The following EDIL3 variants were observed in gnomAD, a reference collection of about 807,000 sequenced individuals.
EDIL3 encodes the protein EGF-like repeat and discoidin I-like domain-containing protein 3.
A neutral mutation model predicts 67.4 loss-of-function variants in EDIL3; 37 were observed. The observed-to-expected ratio is 0.55, with a 90% CI of 0.42 to 0.72. EDIL3 has a LOEUF of 0.72. EDIL3 is among the 30% of genes least tolerant of loss of function. The pLI, the probability that EDIL3 is intolerant of heterozygous loss-of-function variation, is 0.00. For synonymous variants in EDIL3, 195 were observed against 196.3 expected, an observed-to-expected ratio of 0.99 and a Z score of 0.05; for missense variants, 527 against 586.3, an observed-to-expected ratio of 0.90 and a Z score of 1.04.
At chr5:84,371,446 T>TAGAGAG (rs1332566516) in intron 1 of EDIL3, among the ~76,000 whole-genome samples, 1 of 87,084 alleles carries the variant, frequency 1.1e-5, no homozygotes, top group African/African-American at 4.2e-5. Flanking sequence ...TATATATATA[T>TAGAGAG]ATATAGAGAG....
At chr5:84,110,445 A>G (rs1385932673) in intron 5 of EDIL3, among the ~76,000 whole-genome samples, 1 of 152,212 alleles carries the variant, frequency 6.6e-6, no homozygotes, top group East Asian at 1.9e-4. Flanking sequence ...AGCAATTAAT[A>G]ACAGGATGCT....
At position 84,137,198 on chromosome 5, in the gene EDIL3, C is replaced by T. The variant is rs956411575; in HGVS notation, c.469+43G>A. ...GTGTGTATACATACACACACACACA[C>T]ACACACACACACACACACACATACA... On this transcript the variant is annotated intron_variant, in intron 5 of 10. Coordinates refer to ENST00000296591, the MANE Select transcript of EDIL3 (RefSeq NM_005711.5). 46 of 1,378,242 alleles carry T rather than the reference C, an allele frequency of 3.3e-5. No individual in the cohort carries two copies. The highest frequency in any genetic ancestry group is 1.2e-4 in the African/African-American group (8 of 68,744). The allele number at this position is 1,378,242 out of a possible 1,614,324, so 85.4% of individuals were successfully genotyped here. A position where few individuals can be genotyped will look rare whatever the true frequency, so the allele number is the denominator to read the frequency against.
intron 1 of EDIL3, among the ~76,000 whole-genome samples, chr5:84,349,920 T>G (rs2112187586): frequency 6.6e-6 from 1 of 152,284 alleles, no homozygotes; most frequent in South Asian, 2.1e-4. Context: ...TTCCAAAAAC[T>G]TTATCAATAT....
At chr5:84,120,298 A>G (rs1224216726) in intron 5 of EDIL3, among the ~76,000 whole-genome samples, 1 of 152,022 alleles carries the variant, frequency 6.6e-6, no homozygotes, top group Non-Finnish European at 1.5e-5. Context: ...ATATCCACTT[A>G]AAATCTCTAA....
chr5:83,982,468 T>A (rs1744986753), intron 9 of EDIL3, among the ~76,000 whole-genome samples: 1 of 152,126 alleles, frequency 6.6e-6, no homozygotes, highest in Admixed American at 6.6e-5. Flanking sequence ...CTTTCCTGAA[T>A]ACTCCTGTCT....
At chr5:84,131,203 A>G (rs1747960688) in intron 5 of EDIL3, among the ~76,000 whole-genome samples, 1 of 152,118 alleles carries the variant, frequency 6.6e-6, no homozygotes, top group South Asian at 2.1e-4. Context: ...TATTTTAGGT[A>G]TTTTACATAT....
chr5:84,316,732 C>A (rs1045093033), intron 1 of EDIL3, among the ~76,000 whole-genome samples: 2 of 152,016 alleles, frequency 1.3e-5, no homozygotes, highest in Non-Finnish European at 2.9e-5. Flanking sequence ...ATATCCAGGG[C>A]TTGAACTCAG....
At position 84,212,764 on chromosome 5, in the gene EDIL3, C is replaced by T. The variant is rs188786219; in HGVS notation, c.226+17091G>A. On this transcript the variant is annotated intron_variant, in intron 3 of 10. Coordinates refer to ENST00000296591, the MANE Select transcript of EDIL3 (RefSeq NM_005711.5). ...ATGTGTGACCTGGAATAGAGAAGAC[C>T]GCCCTGCCTCCTAGAGAGAAGAAGC... Among the ~76,000 whole-genome samples, 96 of 152,142 alleles carry T rather than the reference C, an allele frequency of 6.3e-4. No homozygotes were observed. The East Asian group carries it at 0.017, about 28-fold the overall frequency.
At chr5:83,943,631 G>T in intron 10 of EDIL3, 63 bp from the exon 11 acceptor site, 1 of 1,569,310 alleles carries the variant, frequency 6.4e-7, no homozygotes, top group Non-Finnish European at 8.7e-7. Context: ...TTATTTTTAT[G>T]TTCCTGTTTG....
intron 1 of EDIL3, among the ~76,000 whole-genome samples, chr5:84,373,170 A>T (rs2112214968): frequency 6.6e-6 from 1 of 152,090 alleles, no homozygotes; most frequent in Non-Finnish European, 1.5e-5. Context: ...TGATCTCTGA[A>T]CTACACCCCG....
intron 1 of EDIL3, among the ~76,000 whole-genome samples, chr5:84,375,595 T>C (rs1377010565): frequency 1.3e-5 from 2 of 152,184 alleles, no homozygotes; most frequent in South Asian, 2.1e-4. Context: ...CACTTTGTAC[T>C]ACCTGATGTA....
chr5:84,132,096 G>C (rs1018267382), intron 5 of EDIL3, among the ~76,000 whole-genome samples: 1 of 150,146 alleles, frequency 6.7e-6, no homozygotes, highest in Non-Finnish European at 1.5e-5. Context: ...ATAGCCTGGC[G>C]TGGTGGCAGG....
At chr5:84,151,480 A>G (rs1748390675) in intron 4 of EDIL3, among the ~76,000 whole-genome samples, 1 of 152,186 alleles carries the variant, frequency 6.6e-6, no homozygotes, top group Non-Finnish European at 1.5e-5. Context: ...TAGTAATAGG[A>G]GGAGCTGTAT....
chr5:84,128,753 C>G (rs1207985312), intron 5 of EDIL3, among the ~76,000 whole-genome samples: 2 of 152,074 alleles, frequency 1.3e-5, no homozygotes, highest in Non-Finnish European at 2.9e-5. Flanking sequence ...CTCAAACTCT[C>G]TTGATGTCTG....
intron 6 of EDIL3, among the ~76,000 whole-genome samples, chr5:84,072,906 C>T (rs1746766643): frequency 6.6e-6 from 1 of 151,972 alleles, no homozygotes; most frequent in Admixed American, 6.6e-5. Context: ...AGTAGTAAGA[C>T]TTCAGCAACA....
chr5:84,039,492 T>C (rs1746082118), intron 9 of EDIL3, among the ~76,000 whole-genome samples: 1 of 152,162 alleles, frequency 6.6e-6, no homozygotes, highest in Non-Finnish European at 1.5e-5. Flanking sequence ...ACTATTAGAC[T>C]TTTCAGTATC....
At chr5:83,974,301 C>T (rs987628278) in intron 9 of EDIL3, among the ~76,000 whole-genome samples, 1 of 151,592 alleles carries the variant, frequency 6.6e-6, no homozygotes, top group Non-Finnish European at 1.5e-5. Context: ...CTTCAAATCG[C>T]TTTGGGAAAA....
chr5:84,360,305 T>C (rs972944407), intron 1 of EDIL3, among the ~76,000 whole-genome samples: 6 of 152,210 alleles, frequency 3.9e-5, no homozygotes, highest in African/African-American at 1.4e-4. Context: ...CAGAATCTAA[T>C]TGCTTTTCAA....
chr5:84,157,808 G>A (rs1230796510), intron 4 of EDIL3, among the ~76,000 whole-genome samples: 1 of 151,944 alleles, frequency 6.6e-6, no homozygotes, highest in Non-Finnish European at 1.5e-5. Context: ...TTGTAGAGAT[G>A]TAGTATGAAT....
Sources: gnomAD v4.1 joint callset for allele counts (sites outside exome capture counted in the v4.1 genomes callset) on GRCh38, gnomAD v4.1.1 for gene constraint, MANE v1.5 for transcripts, NCBI Gene and HGNC (gene_info 2026-07-23, HGNC 2026-07-21) for gene names.